The following RUFY4 variants were observed in gnomAD, a reference collection of about 807,000 sequenced individuals.
RUFY4 encodes the protein RUN and FYVE domain containing 4.
In RUFY4, 73 loss-of-function variants were observed where a neutral mutation model predicts 69.0. The observed-to-expected ratio is 1.06, with a 90% CI of 0.88 to 1.29. RUFY4 has a LOEUF of 1.29. Among genes scored for constraint, RUFY4 ranks in the 50% most tolerant of loss-of-function variants. The pLI is 0.00. For synonymous variants in RUFY4, 287 were observed against 271.8 expected (o/e 1.06, Z -0.55); for missense variants, 770 against 705.6 (o/e 1.09, Z -1.03).
intron 2 of RUFY4, among the ~76,000 whole-genome samples, chr2:218,052,744 T>A (rs544909951): frequency 0.022 from 3,174 of 146,566 alleles, 121 homozygotes; most frequent in African/African-American, 0.078. Flanking sequence ...TTTTTTTTTT[T>A]TAAAAAAAAA....
intron 3 of RUFY4, among the ~76,000 whole-genome samples, chr2:218,062,151 G>C (rs1040307335): frequency 3.3e-5 from 5 of 152,300 alleles, no homozygotes; most frequent in African/African-American, 1.2e-4. Flanking sequence ...TGTAATCCCA[G>C]CACTTCGGGA....
chr2:218,054,596 A>G (rs1040993603), intron 2 of RUFY4, among the ~76,000 whole-genome samples: 1 of 151,906 alleles, frequency 6.6e-6, no homozygotes, highest in African/African-American at 2.4e-5. Flanking sequence ...AATAAATAAC[A>G]TTTCTAAAAC....
At chr2:218,076,329 G>A in intron 7 of RUFY4, 98 bp from the exon 10 acceptor site, 1 of 1,477,326 alleles carries the variant, frequency 6.8e-7, no homozygotes, top group Non-Finnish European at 9.0e-7. Context: ...GCCAGGGCAT[G>A]GCCTGGGGTC....
chr2:218,085,293 TA>T (rs879761118), intron 9 of RUFY4, among the ~76,000 whole-genome samples: 8 of 152,032 alleles, frequency 5.3e-5, no homozygotes, highest in Non-Finnish European at 1.2e-4. Flanking sequence ...CAGGAGACAT[TA>T]AACTATGTAA....
chr2:218,057,078 C>CA (rs1026307473), intron 2 of RUFY4, among the ~76,000 whole-genome samples: 4,450 of 124,240 alleles, frequency 0.036, 204 homozygotes, highest in African/African-American at 0.12. Context: ...GACTCTATCT[C>CA]AAAAAAAAAA....
rs373354380 is a variant in RUFY4 at position 218,075,555 on chromosome 2, G to T, written c.1063G>T (p.Glu355Ter). ...GATGCCCAGCCCCAGAGGGGCTGTAGAGGGAGCAGTATCAGGGAGCAGGCA... is the reference window on the plus strand; with the variant it reads ...GATGCCCAGCCCCAGAGGGGCTGTATAGGGAGCAGTATCAGGGAGCAGGCA... Residue 355 changes from glutamate (E) to a stop codon, truncating the protein, a stop_gained, in exon 7 of 11, where the codon GAG (glutamate) becomes TAG (stop). Coordinates refer to ENST00000344321, the Ensembl canonical transcript of RUFY4. LOFTEE classifies it high-confidence loss of function. 6 of 1,535,994 alleles carry T rather than the reference G, an allele frequency of 3.9e-6. No individual in the cohort carries two copies. Among genetic ancestry groups the T allele is most frequent in the Non-Finnish European group, 5.2e-6 (6 of 1,144,206 alleles).
intron 2 of RUFY4, among the ~76,000 whole-genome samples, chr2:218,043,021 G>A (rs1464219423): frequency 1.3e-5 from 2 of 152,182 alleles, no homozygotes; most frequent in South Asian, 2.1e-4. Context: ...TTTTGGTCTT[G>A]CACCCAGGGA....
At chr2:218,069,752 A>G (rs10932742), upstream of RUFY4, among the ~76,000 whole-genome samples, 79,667 of 151,496 alleles carry the variant, frequency 0.53, 22,066 homozygotes, top group African/African-American at 0.68. Flanking sequence ...CCAAACTCCA[A>G]CAGCCACAGC....
At chr2:218,062,614 G>A (rs922911070) in intron 3 of RUFY4, among the ~76,000 whole-genome samples, 1 of 152,138 alleles carries the variant, frequency 6.6e-6, no homozygotes, top group Non-Finnish European at 1.5e-5. Context: ...GGGAGGCTGA[G>A]GCAGGAGAAT....
At chr2:218,035,962 A>C (rs1252415189) in intron 2 of RUFY4, among the ~76,000 whole-genome samples, 2 of 152,214 alleles carry the variant, frequency 1.3e-5, no homozygotes, top group Admixed American at 6.5e-5. Context: ...GGACACTCCC[A>C]GCCTAGTGTC....
chr2:218,075,385 AGGGGAAGGG>A (rs1689601528), exon 7 of RUFY4: 2 of 1,613,256 alleles, frequency 1.2e-6, no homozygotes, highest in Non-Finnish European at 1.7e-6. Context: ...ACCCAGGGAC[AGGGGAAGGG>A]GGCTATGGGC....
chr2:218,073,201 A>G, intron 4 of RUFY4, 42 bp from the exon 7 acceptor site: 1 of 1,539,186 alleles, frequency 6.5e-7, no homozygotes, highest in African/African-American at 1.4e-5. Flanking sequence ...GGGAAACAGC[A>G]CCAGGGTCAA....
intron 2 of RUFY4, among the ~76,000 whole-genome samples, chr2:218,046,629 A>G (rs1407436750): frequency 6.6e-6 from 1 of 152,216 alleles, no homozygotes; most frequent in African/African-American, 2.4e-5. Flanking sequence ...TAAGACAATC[A>G]TTAGTTTTAT....
chr2:218,055,998 C>A (rs1689053122), intron 2 of RUFY4, among the ~76,000 whole-genome samples: 1 of 152,188 alleles, frequency 6.6e-6, no homozygotes. Context: ...CTAAAAAAAT[C>A]CTTCAGTCCA....
upstream of RUFY4, among the ~76,000 whole-genome samples, chr2:218,067,938 C>T (rs573152197): frequency 8.5e-5 from 13 of 152,326 alleles, no homozygotes; most frequent in African/African-American, 2.9e-4. Flanking sequence ...AACAGGGAGT[C>T]CTGAGGTCAC....
intron 3 of RUFY4, among the ~76,000 whole-genome samples, chr2:218,063,618 G>T (rs1397399092): frequency 6.6e-6 from 1 of 152,184 alleles, no homozygotes; most frequent in Non-Finnish European, 1.5e-5. Flanking sequence ...AGCAGGCAAG[G>T]GGCAGAGTGG....
intron 8 of RUFY4, among the ~76,000 whole-genome samples, chr2:218,078,235 T>C (rs964027503): frequency 6.6e-6 from 1 of 152,188 alleles, no homozygotes; most frequent in Admixed American, 6.5e-5. Flanking sequence ...ACAAGAGGAA[T>C]GGGACATGTT....
At chr2:218,088,685 G>T (rs1046029844) in intron 9 of RUFY4, among the ~76,000 whole-genome samples, 1 of 152,052 alleles carries the variant, frequency 6.6e-6, no homozygotes, top group African/African-American at 2.4e-5. Context: ...GTTATTTTGG[G>T]CAAAGAGGAG....
intron 2 of RUFY4, among the ~76,000 whole-genome samples, chr2:218,042,554 C>A (rs1688722298): frequency 6.6e-6 from 1 of 152,182 alleles, no homozygotes; most frequent in African/African-American, 2.4e-5. Flanking sequence ...ATGAGGATGG[C>A]AGCTGCAGTC....
Sources: gnomAD v4.1 joint callset for allele counts (sites outside exome capture counted in the v4.1 genomes callset) on GRCh38, gnomAD v4.1.1 for gene constraint, MANE v1.5 for transcripts, NCBI Gene and HGNC (gene_info 2026-07-23, HGNC 2026-07-21) for gene names.